PDE11A: variants seen among roughly 807,000 people sequenced by gnomAD.
The protein encoded by PDE11A is phosphodiesterase 11A.
PDE11A carries 100 observed loss-of-function variants against 100.5 expected under a neutral mutation model. That is an observed-to-expected ratio of 1.00 (90% confidence interval 0.85 to 1.18). The LOEUF (loss-of-function observed/expected upper bound fraction) is 1.18, where lower values mean the gene tolerates loss of function less well. Ranked by LOEUF, PDE11A falls within the 50% of genes most tolerant of loss-of-function variation. The pLI, the probability that PDE11A is intolerant of heterozygous loss-of-function variation, is 0.00. For missense variants in PDE11A, 1,141 were observed against 1,152.6 expected, an observed-to-expected ratio of 0.99 and a Z score of 0.15; for synonymous variants, 381 against 420.8, an observed-to-expected ratio of 0.91 and a Z score of 1.16.
intron 2 of PDE11A, among the ~76,000 whole-genome samples, chr2:178,078,998 C>CT: frequency 6.6e-6 from 1 of 152,196 alleles, no homozygotes; most frequent in Middle Eastern, 3.4e-3. Context: ...ATTCTATTTT[C>CT]TAAAAATCAG....
chr2:177,756,005 C>T (rs1378830794), intron 10 of PDE11A, among the ~76,000 whole-genome samples: 2 of 152,208 alleles, frequency 1.3e-5, no homozygotes, highest in Non-Finnish European at 2.9e-5. Flanking sequence ...GCACTACGCT[C>T]TCATTTGTAA....
chr2:177,829,250 T>C (rs1432006785), intron 6 of PDE11A, among the ~76,000 whole-genome samples: 2 of 152,056 alleles, frequency 1.3e-5, no homozygotes, highest in African/African-American at 2.4e-5. Flanking sequence ...AAAATACCTA[T>C]TAAAAATATG....
At chr2:177,909,587 G>A (rs191108146) in intron 2 of PDE11A, among the ~76,000 whole-genome samples, 60 of 152,224 alleles carry the variant, frequency 3.9e-4, no homozygotes, top group African/African-American at 1.3e-3. Context: ...TCAACTCCCT[G>A]TTAAGGCCTT....
At chr2:177,857,236 C>G (rs903638358) in intron 5 of PDE11A, among the ~76,000 whole-genome samples, 3 of 151,992 alleles carry the variant, frequency 2.0e-5, no homozygotes, top group South Asian at 2.1e-4. Flanking sequence ...AAGACATTCT[C>G]AAATAAACAA....
At chr2:178,047,095 T>C (rs2086760817) in intron 1 of PDE11A, among the ~76,000 whole-genome samples, 1 of 152,054 alleles carries the variant, frequency 6.6e-6, no homozygotes, top group South Asian at 2.1e-4. Context: ...ACATGATAGT[T>C]GTCTATATCC....
chr2:177,944,428 G>T (rs536896669), intron 2 of PDE11A, among the ~76,000 whole-genome samples: 6 of 152,076 alleles, frequency 3.9e-5, no homozygotes, highest in African/African-American at 1.4e-4. Flanking sequence ...CAACAGATAG[G>T]GTGCCCTCTA....
At chr2:177,834,959 A>C (rs933830571) in intron 6 of PDE11A, among the ~76,000 whole-genome samples, 1 of 151,934 alleles carries the variant, frequency 6.6e-6, no homozygotes, top group Admixed American at 6.6e-5. Context: ...TTACCTTAGC[A>C]TTCAGCTTAT....
At chr2:177,822,262 T>G (rs1216650400) in intron 6 of PDE11A, among the ~76,000 whole-genome samples, 1 of 151,940 alleles carries the variant, frequency 6.6e-6, no homozygotes, top group Non-Finnish European at 1.5e-5. Flanking sequence ...ATGATTTTCA[T>G]GTATAATATG....
chr2:177,947,734 C>T (rs2085460914), intron 2 of PDE11A, among the ~76,000 whole-genome samples: 1 of 150,636 alleles, frequency 6.6e-6, no homozygotes, highest in South Asian at 2.1e-4. Context: ...CCAAATCCCC[C>T]TCTGTGAGAA....
intron 1 of PDE11A, among the ~76,000 whole-genome samples, chr2:178,105,112 A>G (rs1559073207): frequency 6.6e-6 from 1 of 152,242 alleles, no homozygotes; most frequent in East Asian, 1.9e-4. Flanking sequence ...GAATTCAGTC[A>G]GCAATAGTAT....
intron 5 of PDE11A, among the ~76,000 whole-genome samples, chr2:177,849,078 T>C (rs13429445): frequency 0.062 from 9,517 of 152,282 alleles, 314 homozygotes; most frequent in South Asian, 0.092. Context: ...TAGTTTGGCC[T>C]CTACTAAGTG....
chr2:177,777,529 T>C (rs548818355), intron 9 of PDE11A, among the ~76,000 whole-genome samples: 11 of 152,326 alleles, frequency 7.2e-5, no homozygotes, highest in African/African-American at 2.6e-4. Context: ...AAAGTACTAT[T>C]GCCCTACCTT....
intron 8 of PDE11A, among the ~76,000 whole-genome samples, chr2:177,817,286 T>C (rs2083055407): frequency 6.6e-6 from 1 of 152,216 alleles, no homozygotes; most frequent in African/African-American, 2.4e-5. Flanking sequence ...GGCTATAAAA[T>C]ACTTTGGTAA....
At chr2:178,084,603 A>G (rs753492306) in intron 2 of PDE11A, among the ~76,000 whole-genome samples, 7 of 152,252 alleles carry the variant, frequency 4.6e-5, no homozygotes, top group Non-Finnish European at 1.0e-4. Flanking sequence ...AAACAAGAAA[A>G]AAGAATAAAG....
intron 9 of PDE11A, among the ~76,000 whole-genome samples, chr2:177,811,936 G>A (rs1422764976): frequency 6.6e-6 from 1 of 152,132 alleles, no homozygotes; most frequent in Non-Finnish European, 1.5e-5. Context: ...ACTTTAAGCA[G>A]GTAGTAATTT....
intron 1 of PDE11A, among the ~76,000 whole-genome samples, chr2:178,058,936 C>A (rs1419262875): frequency 6.6e-6 from 1 of 152,228 alleles, no homozygotes; most frequent in Non-Finnish European, 1.5e-5. Flanking sequence ...GGCCTCATTC[C>A]AGTCTGGCTC....
chr2:177,690,456 A>G (rs2081026043), intron 15 of PDE11A, among the ~76,000 whole-genome samples: 1 of 152,232 alleles, frequency 6.6e-6, no homozygotes, highest in Non-Finnish European at 1.5e-5. Context: ...TGATGAATGA[A>G]TGTTTGCCTA....
At chr2:177,897,848 AG>A in intron 4 of PDE11A, among the ~76,000 whole-genome samples, 1 of 152,340 alleles carries the variant, frequency 6.6e-6, no homozygotes, top group Admixed American at 6.5e-5. Context: ...AGTCCCTGTT[AG>A]CTTAAAAGTC....
intron 2 of PDE11A, among the ~76,000 whole-genome samples, chr2:177,970,582 T>C (rs2085756838): frequency 6.6e-6 from 1 of 151,818 alleles, no homozygotes; most frequent in Admixed American, 6.6e-5. Context: ...GTATGTAGCA[T>C]TTGAGAAGCA....
Sources: gnomAD v4.1 joint callset for allele counts (sites outside exome capture counted in the v4.1 genomes callset) on GRCh38, gnomAD v4.1.1 for gene constraint, MANE v1.5 for transcripts, NCBI Gene and HGNC (gene_info 2026-07-23, HGNC 2026-07-21) for gene names.